The following HDAC9 variants were observed in gnomAD, a reference collection of about 807,000 sequenced individuals.
The protein encoded by HDAC9 is MEF-2 interacting transcription repressor (MITR) protein.
Under a neutral mutation model 139.4 loss-of-function variants are expected in HDAC9, and 41 were observed. The observed-to-expected ratio is 0.29, with a 90% CI of 0.23 to 0.38. HDAC9 has a LOEUF of 0.38. HDAC9 is among the 10% of genes least tolerant of loss of function. The probability of loss-of-function intolerance (pLI) is 1.00; values close to 1 mark genes in which losing one functional copy is unlikely to be tolerated. For synonymous variants in HDAC9, 517 were observed against 476.2 expected (o/e 1.09, Z -1.12); for missense variants, 1,147 against 1,297.0 (o/e 0.88, Z 1.78).
At chr7:18,192,715 T>C (rs916547330) in intron 2 of HDAC9, among the ~76,000 whole-genome samples, 5 of 152,206 alleles carry the variant, frequency 3.3e-5, no homozygotes, top group African/African-American at 1.2e-4. Flanking sequence ...GAAATCAATT[T>C]AGTAGGTTGC....
At chr7:18,181,852 C>T (rs1288975115) in intron 2 of HDAC9, among the ~76,000 whole-genome samples, 1 of 152,098 alleles carries the variant, frequency 6.6e-6, no homozygotes, top group Admixed American at 6.5e-5. Context: ...TACAAGGGTA[C>T]TGATACAAAT....
intron 1 of HDAC9, among the ~76,000 whole-genome samples, chr7:18,490,577 T>C (rs111296902): frequency 0.013 from 2,034 of 152,122 alleles, 44 homozygotes; most frequent in African/African-American, 0.045. Flanking sequence ...AATTAGGCTT[T>C]CTAAGTGGGG....
intron 22 of HDAC9, among the ~76,000 whole-genome samples, chr7:18,913,092 T>G (rs1455095895): frequency 6.6e-6 from 1 of 152,116 alleles, no homozygotes; most frequent in Admixed American, 6.6e-5. Context: ...GAGAGGACTC[T>G]AGCATTTTTG....
intron 22 of HDAC9, among the ~76,000 whole-genome samples, chr7:18,894,399 T>G (rs1800982922): frequency 1.3e-5 from 2 of 152,076 alleles, no homozygotes; most frequent in South Asian, 4.1e-4. Flanking sequence ...TGCTGTCCTG[T>G]AGCCCAATGG....
chr7:18,207,226 A>G (rs937687323), intron 2 of HDAC9, among the ~76,000 whole-genome samples: 1 of 152,164 alleles, frequency 6.6e-6, no homozygotes, highest in Non-Finnish European at 1.5e-5. Context: ...GGCATGAGCC[A>G]CTGCAACTGG....
chr7:18,813,580 T>C (rs1362108980), intron 17 of HDAC9, among the ~76,000 whole-genome samples: 2 of 152,162 alleles, frequency 1.3e-5, no homozygotes, highest in Non-Finnish European at 2.9e-5. Flanking sequence ...AGGACAAATA[T>C]GTTACTAAAT....
intron 24 of HDAC9, among the ~76,000 whole-genome samples, chr7:18,962,440 C>T (rs1003806313): frequency 4.6e-5 from 7 of 152,104 alleles, no homozygotes; most frequent in South Asian, 2.1e-4. Flanking sequence ...GTGTTGGTGG[C>T]GCCCTAATAC....
At chr7:18,868,794 C>T (rs1798686543) in intron 21 of HDAC9, among the ~76,000 whole-genome samples, 1 of 152,108 alleles carries the variant, frequency 6.6e-6, no homozygotes, top group South Asian at 2.1e-4. Flanking sequence ...CTACTCTTCC[C>T]ACCCTTCTTA....
At chr7:18,356,645 G>A (rs1292753798) in intron 1 of HDAC9, among the ~76,000 whole-genome samples, 2 of 152,028 alleles carry the variant, frequency 1.3e-5, no homozygotes, top group Non-Finnish European at 2.9e-5. Flanking sequence ...TTTTCCTTTA[G>A]AGAGCTTGAT....
chr7:18,761,872 A>G (rs1052378791), intron 14 of HDAC9, among the ~76,000 whole-genome samples: 6 of 152,224 alleles, frequency 3.9e-5, no homozygotes, highest in African/African-American at 1.4e-4. Flanking sequence ...GATACTTTAC[A>G]AAAGAGTTAA....
Position 18,648,539 on chromosome 7 carries a change from C to T in HDAC9, c.1323C>T (p.His441=). Residue 441 remains histidine (H), a synonymous_variant, in exon 11 of 26, where the codon CAC becomes CAT. Transcript: ENST00000686413. The part of the protein sequence containing the change: ...ERISPGIRGT[H]KLPRHRPLNR... ...TTTCACCTGGCATTAGAGGTACCCA[C>T]AAATTGCCCCGTCACAGACCCCTGA... is the stretch of plus-strand genomic sequence containing the variant. The T allele has an allele frequency of 1.2e-6, 2 of 1,613,548 alleles. No homozygotes were observed. The highest frequency in any genetic ancestry group is 1.7e-6 in the Non-Finnish European group (2 of 1,179,748).
chr7:18,979,527 C>T (rs911976803), intron 25 of HDAC9, among the ~76,000 whole-genome samples: 3 of 152,170 alleles, frequency 2.0e-5, no homozygotes, highest in Admixed American at 6.5e-5. Context: ...ATTTAGACAA[C>T]TTAGATAACT....
chr7:18,483,672 C>G (rs1795752766), intron 1 of HDAC9, among the ~76,000 whole-genome samples: 1 of 152,176 alleles, frequency 6.6e-6, no homozygotes, highest in African/African-American at 2.4e-5. Context: ...TTTTTCTCAT[C>G]TGGAAATAAA....
chr7:18,538,472 C>T (rs541751122), intron 2 of HDAC9, among the ~76,000 whole-genome samples: 36 of 152,272 alleles, frequency 2.4e-4, no homozygotes, highest in African/African-American at 6.5e-4. Context: ...GAAGAGAGCA[C>T]GTGTTTGGGA....
chr7:18,109,666 C>T (rs1382759622), intron 1 of HDAC9, among the ~76,000 whole-genome samples: 1 of 151,692 alleles, frequency 6.6e-6, no homozygotes, highest in Non-Finnish European at 1.5e-5. Context: ...TTTCTTTTCT[C>T]CCCTTAATGT....
intron 1 of HDAC9, among the ~76,000 whole-genome samples, chr7:18,464,123 G>A (rs1170828530): frequency 6.6e-6 from 1 of 151,818 alleles, no homozygotes; most frequent in Non-Finnish European, 1.5e-5. Context: ...GTATCTAATA[G>A]TACTTTTTTA....
At chr7:18,503,331 A>G (rs555847396) in intron 2 of HDAC9, among the ~76,000 whole-genome samples, 5 of 152,312 alleles carry the variant, frequency 3.3e-5, no homozygotes, top group African/African-American at 1.2e-4. Context: ...GAAAGAGGAA[A>G]TGCCTGGTGT....
At chr7:18,893,019 G>C (rs554440726) in intron 22 of HDAC9, among the ~76,000 whole-genome samples, 9 of 105,464 alleles carry the variant, frequency 8.5e-5, no homozygotes, top group Non-Finnish European at 1.4e-4. Flanking sequence ...AGTGTTTCAA[G>C]TAGGTAATAG....
intron 2 of HDAC9, among the ~76,000 whole-genome samples, chr7:18,262,348 T>C (rs187625969): frequency 7.6e-4 from 115 of 152,282 alleles, no homozygotes; most frequent in African/African-American, 2.6e-3. Context: ...TTCAAAGTGA[T>C]GAAGGAAAGG....
Sources: gnomAD v4.1 joint callset for allele counts (sites outside exome capture counted in the v4.1 genomes callset) on GRCh38, gnomAD v4.1.1 for gene constraint, MANE v1.5 for transcripts, NCBI Gene and HGNC (gene_info 2026-07-23, HGNC 2026-07-21) for gene names.